Variants in DKK2 observed in about 807,000 individuals in gnomAD.
DKK2 encodes the protein dickkopf Wnt signaling pathway inhibitor 2.
Under a neutral mutation model 28.1 loss-of-function variants are expected in DKK2, and 11 were observed. The observed-to-expected ratio is 0.39, with a 90% confidence interval of 0.25 to 0.65. DKK2 has a LOEUF of 0.65. Ranked by LOEUF, DKK2 falls within the 30% of genes least tolerant of loss-of-function variation. The pLI, the probability that DKK2 is intolerant of heterozygous loss-of-function variation, is 0.47. For synonymous variants in DKK2, 135 were observed against 126.5 expected (o/e 1.07, Z -0.45); for missense variants, 326 against 335.5 (o/e 0.97, Z 0.22).
rs1382643705 is a variant in DKK2, at chr4:106,922,505, T to C, written c.*1449A>G. ...TCCTACTTATATTTTTTAACCGCAATGGCTGCAGAAAACCGAAACTAGCCC... is the reference window on the plus strand; with the variant it reads ...TCCTACTTATATTTTTTAACCGCAACGGCTGCAGAAAACCGAAACTAGCCC... On this transcript the variant is annotated 3_prime_UTR_variant, in exon 4 of 4. Coordinates refer to ENST00000285311, the MANE Select transcript of DKK2 (RefSeq NM_014421.3). The C allele has an allele frequency of 1.3e-5, 2 of 152,174 alleles. No individual in the cohort carries two copies. Among genetic ancestry groups the C allele is most frequent in the African/African-American group, 4.8e-5 (2 of 41,454 alleles). The allele number at this position is 152,174 out of a possible 1,614,324, so 9.4% of individuals were successfully genotyped here. A position where few individuals can be genotyped will look rare whatever the true frequency, so the allele number is the denominator to read the frequency against.
At chr4:106,974,448 G>T (rs189525137) in intron 1 of DKK2, among the ~76,000 whole-genome samples, 1 of 152,050 alleles carries the variant, frequency 6.6e-6, no homozygotes, top group Non-Finnish European at 1.5e-5. Flanking sequence ...CCTTGAAGAG[G>T]TCCTTCACAT....
intron 1 of DKK2, among the ~76,000 whole-genome samples, chr4:106,955,725 G>A (rs1722580501): frequency 6.6e-6 from 1 of 151,954 alleles, no homozygotes; most frequent in Non-Finnish European, 1.5e-5. Context: ...GAAACATAAA[G>A]AGAACAAATA....
At chr4:106,946,711 A>G (rs1227571518) in intron 1 of DKK2, among the ~76,000 whole-genome samples, 2 of 151,770 alleles carry the variant, frequency 1.3e-5, no homozygotes, top group African/African-American at 2.4e-5. Flanking sequence ...TGAAAAATCA[A>G]CCTCTGATGC....
intron 1 of DKK2, among the ~76,000 whole-genome samples, chr4:106,975,210 G>C (rs1722924493): frequency 6.6e-6 from 1 of 151,914 alleles, no homozygotes; most frequent in Admixed American, 6.6e-5. Flanking sequence ...TATCTTTTTT[G>C]GTTGTGTCTC....
At chr4:107,024,941 C>G (rs1001848203) in intron 1 of DKK2, among the ~76,000 whole-genome samples, 7 of 152,056 alleles carry the variant, frequency 4.6e-5, no homozygotes, top group African/African-American at 1.4e-4. Context: ...AGGCATATAC[C>G]CAGATTGAAC....
chr4:106,925,821 G>A lies in DKK2; in HGVS notation c.351C>T (p.Cys117=), dbSNP rs770936945. The A allele has an allele frequency of 2.5e-6, 4 of 1,612,284 alleles. No individual in the cohort carries two copies. The highest frequency in any genetic ancestry group is 3.3e-4 in the Middle Eastern group (2 of 6,024). Reference sequence around the variant, plus strand: ...TACCATTATTGCAGCGGGTACTGGGGCAGCACATGCCATCTCGGTGGCAGC... The same window carrying A: ...TACCATTATTGCAGCGGGTACTGGGACAGCACATGCCATCTCGGTGGCAGC... ...KKRCHRDGMC[C]PSTRCNNGIC... is the part of the protein sequence containing the mutation. The change falls in exon 2 of 4, where the codon TGC becomes TGT. Residue 117 remains cysteine, a synonymous_variant. Coordinates refer to ENST00000285311, the MANE Select transcript of DKK2 (RefSeq NM_014421.3).
chr4:106,994,972 C>A (rs1442061781), intron 1 of DKK2, among the ~76,000 whole-genome samples: 1 of 152,184 alleles, frequency 6.6e-6, no homozygotes, highest in African/African-American at 2.4e-5. Context: ...ACAAAAATTT[C>A]TCAAGCCTGG....
At chr4:106,932,823 T>C (rs1319174383) in intron 1 of DKK2, among the ~76,000 whole-genome samples, 1 of 152,238 alleles carries the variant, frequency 6.6e-6, no homozygotes. Context: ...ATTGTTGCCT[T>C]ATAAATTTTC....
chr4:107,007,162 T>G (rs1368853320), intron 1 of DKK2, among the ~76,000 whole-genome samples: 1 of 152,116 alleles, frequency 6.6e-6, no homozygotes, highest in Non-Finnish European at 1.5e-5. Flanking sequence ...TGGGAGATCT[T>G]GAATTTATAA....
chr4:106,984,076 A>G (rs1338920523), intron 1 of DKK2, among the ~76,000 whole-genome samples: 1 of 152,230 alleles, frequency 6.6e-6, no homozygotes, highest in East Asian at 1.9e-4. Flanking sequence ...AGATGCAACT[A>G]TCCTACAACC....
At chr4:106,943,901 A>G (rs1578351634) in intron 1 of DKK2, among the ~76,000 whole-genome samples, 1 of 152,234 alleles carries the variant, frequency 6.6e-6, no homozygotes, top group African/African-American at 2.4e-5. Flanking sequence ...CTATGACAAT[A>G]GGTGTTTCTG....
chr4:106,933,756 A>C lies in DKK2; in HGVS notation c.223-7807T>G, dbSNP rs573724344. Among the ~76,000 whole-genome samples the C allele has an allele frequency of 2.0e-5, 3 of 152,298 alleles. No individual in the cohort carries two copies. In the East Asian group the frequency reaches 5.8e-4, roughly 29 times the overall value. On this transcript the variant is annotated intron_variant, in intron 1 of 3. Transcript: ENST00000285311. Reference sequence around the variant, plus strand: ...TTTTCCAATGAAAATGACATTTAAAATTCAAAAGTTTATATTCAGGTAGAT... The same window carrying C: ...TTTTCCAATGAAAATGACATTTAAACTTCAAAAGTTTATATTCAGGTAGAT...
rs148467783 is a variant in DKK2 at position 107,022,200 on chromosome 4, T to A, written c.222+13170A>T. Among the ~76,000 whole-genome samples the A allele has an allele frequency of 3.7e-3, 570 of 152,254 alleles. 2 individuals are homozygous for A. Among genetic ancestry groups the A allele is most frequent in the Non-Finnish European group, 5.7e-3 (386 of 68,002 alleles). Reference sequence around the variant, plus strand: ...AAGAACTAGACAATTTCTGGGAACCTCTTTCAACCTTAAAATTTCAACTAG... The same window carrying A: ...AAGAACTAGACAATTTCTGGGAACCACTTTCAACCTTAAAATTTCAACTAG... On this transcript the variant is annotated intron_variant, in intron 1 of 3. Transcript: ENST00000285311.
Position 107,027,903 on chromosome 4 carries a change from C to T in DKK2, c.222+7467G>A, listed in dbSNP as rs374376552. Reference sequence around the variant, plus strand: ...AGTAGCTGGGACTACAGGCGCCTGCCACCACGCCCGGCTAATTTTTTGTAT... The same window carrying T: ...AGTAGCTGGGACTACAGGCGCCTGCTACCACGCCCGGCTAATTTTTTGTAT... On this transcript the variant is annotated intron_variant, in intron 1 of 3. Transcript: ENST00000285311. 6.6e-5 allele frequency among the ~76,000 whole-genome samples: 10 copies of T among 152,098 alleles called. No homozygotes were observed. The South Asian group carries it at 1.3e-3, about 19-fold the overall frequency.
At chr4:106,992,560 G>C (rs1171635898) in intron 1 of DKK2, among the ~76,000 whole-genome samples, 1 of 152,290 alleles carries the variant, frequency 6.6e-6, no homozygotes, top group African/African-American at 2.4e-5. Context: ...ATAAATATGG[G>C]TTGTGCTGGC....
intron 1 of DKK2, among the ~76,000 whole-genome samples, chr4:106,955,102 G>A (rs970579276): frequency 6.6e-6 from 1 of 151,988 alleles, no homozygotes; most frequent in Non-Finnish European, 1.5e-5. Flanking sequence ...AAGTAATAAT[G>A]AACAAGACAT....
At chr4:107,028,156 C>A (rs2110376782) in intron 1 of DKK2, among the ~76,000 whole-genome samples, 1 of 145,020 alleles carries the variant, frequency 6.9e-6, no homozygotes, top group Non-Finnish European at 1.5e-5. Context: ...TGCAATACAA[C>A]ATTGACTTAT....
chr4:106,951,586 A>G (rs1451193012), intron 1 of DKK2, among the ~76,000 whole-genome samples: 1 of 152,100 alleles, frequency 6.6e-6, no homozygotes, highest in Non-Finnish European at 1.5e-5. Context: ...AGAAAGACAA[A>G]ATTTGCATAT....
At chr4:106,965,251 C>T (rs1367531526) in intron 1 of DKK2, among the ~76,000 whole-genome samples, 5 of 151,926 alleles carry the variant, frequency 3.3e-5, no homozygotes, top group Admixed American at 3.3e-4. Context: ...ATGTCTTTGC[C>T]CTATTTTGTT....
Sources: gnomAD v4.1 joint callset for allele counts (sites outside exome capture counted in the v4.1 genomes callset) on GRCh38, gnomAD v4.1.1 for gene constraint, MANE v1.5 for transcripts, NCBI Gene and HGNC (gene_info 2026-07-23, HGNC 2026-07-21) for gene names.